The following TENM4 variants were observed in gnomAD, a reference collection of about 807,000 sequenced individuals.
The protein encoded by TENM4 is teneurin-4.
Under a neutral mutation model 243.3 loss-of-function variants are expected in TENM4, and 82 were observed. The observed-to-expected ratio is 0.34, with a 90% CI of 0.28 to 0.40. The LOEUF (loss-of-function observed/expected upper bound fraction) is 0.40. Ranked by LOEUF, TENM4 falls within the 10% of genes least tolerant of loss-of-function variation. The probability of loss-of-function intolerance (pLI) is 1.00; values close to 1 mark genes in which losing one functional copy is unlikely to be tolerated. For synonymous variants in TENM4, 1,412 were observed against 1,456.3 expected, an observed-to-expected ratio of 0.97 and a Z score of 0.69; for missense variants, 3,138 against 3,673.3, an observed-to-expected ratio of 0.85 and a Z score of 3.77.
intron 1 of TENM4, among the ~76,000 whole-genome samples, chr11:79,335,068 C>T (rs2135451101): frequency 6.6e-6 from 1 of 152,370 alleles, no homozygotes; most frequent in South Asian, 2.1e-4. Flanking sequence ...TGATTTTGTT[C>T]TTGCCTTGAT....
chr11:79,090,694 G>T (rs927299748), intron 4 of TENM4, among the ~76,000 whole-genome samples: 1 of 152,216 alleles, frequency 6.6e-6, no homozygotes, highest in Non-Finnish European at 1.5e-5. Context: ...TGGCACTTAA[G>T]AGGTAAGAGG....
At chr11:79,045,429 T>C (rs142099470) in intron 6 of TENM4, among the ~76,000 whole-genome samples, 111 of 152,224 alleles carry the variant, frequency 7.3e-4, no homozygotes, top group Non-Finnish European at 1.1e-3. Flanking sequence ...TGCAGTAAGA[T>C]TGGGATTTAA....
At chr11:79,276,154 A>G (rs376113365) in intron 2 of TENM4, among the ~76,000 whole-genome samples, 5 of 152,340 alleles carry the variant, frequency 3.3e-5, no homozygotes, top group African/African-American at 1.2e-4. Context: ...CTGCTATACT[A>G]CCTAGGAGAC....
At chr11:79,174,094 T>G (rs936468229) in intron 3 of TENM4, among the ~76,000 whole-genome samples, 2 of 152,238 alleles carry the variant, frequency 1.3e-5, no homozygotes, top group South Asian at 4.1e-4. Flanking sequence ...CCCTGGGGAA[T>G]TCATAAATAG....
Position 79,401,395 on chromosome 11 carries a change from C to T in TENM4, c.-321+39114G>A, listed in dbSNP as rs191477132. Among the ~76,000 whole-genome samples the T allele has an allele frequency of 3.6e-4, 55 of 152,294 alleles. No individual in the cohort carries two copies. The East Asian group carries it at 8.7e-3, about 24-fold the overall frequency. On this transcript the variant is annotated intron_variant, in intron 1 of 33. Coordinates refer to ENST00000278550, the MANE Select transcript of TENM4 (RefSeq NM_001098816.3). ...CACACGTGCTGAGGCTGTCTAACCC[C>T]GGAGCCTCAGACTCTTTGAGATGCA...
intron 6 of TENM4, among the ~76,000 whole-genome samples, chr11:78,948,675 A>G (rs368702138): frequency 2.6e-5 from 4 of 152,130 alleles, no homozygotes; most frequent in South Asian, 4.1e-4. Flanking sequence ...CCGGCCCCCA[A>G]CTGTCTTTTT....
At chr11:79,090,536 G>A (rs892983877) in intron 4 of TENM4, among the ~76,000 whole-genome samples, 4 of 152,228 alleles carry the variant, frequency 2.6e-5, no homozygotes, top group African/African-American at 9.6e-5. Flanking sequence ...CCACTGAAGG[G>A]AGAGTTGTTA....
Position 79,353,029 on chromosome 11 carries a change from T to A in TENM4, c.-320-55486A>T, listed in dbSNP as rs1037661382. ...CAAGGCTGGCAATTTATGAACAAGA[T>A]CACTTCTTAAATGTTGGGATAAAGC... On this transcript the variant is annotated intron_variant, in intron 1 of 33. Coordinates refer to ENST00000278550, the MANE Select transcript of TENM4 (RefSeq NM_001098816.3). Among the ~76,000 whole-genome samples the A allele has an allele frequency of 3.3e-5, 5 of 152,102 alleles. No homozygotes were observed. In the East Asian group the frequency reaches 7.7e-4, roughly 24 times the overall value.
chr11:79,160,139 C>A (rs1208865344), intron 3 of TENM4, among the ~76,000 whole-genome samples: 1 of 152,190 alleles, frequency 6.6e-6, no homozygotes, highest in East Asian at 1.9e-4. Flanking sequence ...AGCATCCTCC[C>A]AGGAAGCAGA....
At chr11:79,164,350 GATAC>G (rs1565231152) in intron 3 of TENM4, among the ~76,000 whole-genome samples, 1 of 58,376 alleles carries the variant, frequency 1.7e-5, no homozygotes, top group Non-Finnish European at 4.2e-5. Flanking sequence ...ATACTATATA[GATAC>G]TATATATACT....
chr11:79,049,275 C>CCCTA (rs1565182145), intron 6 of TENM4, among the ~76,000 whole-genome samples: 2 of 152,222 alleles, frequency 1.3e-5, no homozygotes, highest in South Asian at 4.1e-4. Context: ...GGCTCTTCCC[C>CCCTA]CCTACTCAGG....
chr11:79,289,504 T>A (rs1375139613), intron 2 of TENM4, among the ~76,000 whole-genome samples: 1 of 152,198 alleles, frequency 6.6e-6, no homozygotes. Context: ...CAAGGCCAAC[T>A]CCCTTTGGCT....
intron 32 of TENM4, among the ~76,000 whole-genome samples, chr11:78,663,613 A>G (rs939392352): frequency 6.6e-6 from 1 of 152,094 alleles, no homozygotes; most frequent in African/African-American, 2.4e-5. Flanking sequence ...GCTTCCTGAC[A>G]CTGAGCAGAT....
At chr11:78,700,518 C>T (rs1347538990) in intron 28 of TENM4, among the ~76,000 whole-genome samples, 2 of 152,216 alleles carry the variant, frequency 1.3e-5, no homozygotes, top group Non-Finnish European at 2.9e-5. Context: ...TCAGCAATCT[C>T]AGTCGTGTGA....
chr11:78,705,571 C>G (rs185664602), intron 27 of TENM4, among the ~76,000 whole-genome samples: 2 of 152,354 alleles, frequency 1.3e-5, no homozygotes, highest in Non-Finnish European at 2.9e-5. Context: ...GCAGCTCCCA[C>G]GTTCTATGGT....
intron 4 of TENM4, among the ~76,000 whole-genome samples, chr11:79,142,670 G>A (rs918288609): frequency 6.6e-6 from 1 of 152,012 alleles, no homozygotes; most frequent in East Asian, 1.9e-4. Flanking sequence ...ACCTGGAATA[G>A]GCAAAGCTAT....
Position 79,243,340 on chromosome 11 carries a change from G to A in TENM4, c.-264-27431C>T, listed in dbSNP as rs371995036. Among the ~76,000 whole-genome samples the A allele has an allele frequency of 2.2e-4, 34 of 152,224 alleles. No homozygotes were observed. In the South Asian group the frequency reaches 5.6e-3, roughly 25 times the overall value. ...TTGTCGTTGTACTCGGACACATCTC[G>A]GCACAGTGGATTTTGCGGTCCATTT... On this transcript the variant is annotated intron_variant, in intron 2 of 33. Transcript: ENST00000278550.
intron 2 of TENM4, among the ~76,000 whole-genome samples, chr11:79,294,244 C>G (rs1264795665): frequency 3.9e-5 from 6 of 152,198 alleles, no homozygotes; most frequent in Admixed American, 1.3e-4. Context: ...TTGTCAGTCT[C>G]TATGTGTCAC....
At chr11:79,249,475 G>A (rs755414189) in intron 2 of TENM4, among the ~76,000 whole-genome samples, 25 of 152,076 alleles carry the variant, frequency 1.6e-4, no homozygotes, top group Non-Finnish European at 1.5e-5. Flanking sequence ...TATTTATTAG[G>A]CCTCTGCTAT....
Sources: allele counts gnomAD v4.1 joint callset (sites outside exome capture counted in the v4.1 genomes callset), GRCh38; gene constraint gnomAD v4.1.1; transcripts MANE v1.5; gene names NCBI Gene and HGNC (gene_info 2026-07-23, HGNC 2026-07-21).